The following RHBDL2 variants were observed in gnomAD, a reference collection of about 807,000 sequenced individuals.
RHBDL2 encodes the protein rhomboid like 2.
A neutral mutation model predicts 31.7 loss-of-function variants in RHBDL2; 26 were observed. The observed-to-expected ratio is 0.82, with a 90% CI of 0.60 to 1.14. The LOEUF is 1.14. Among genes scored for constraint, RHBDL2 ranks in the 50% most tolerant of loss-of-function variants. The pLI is 0.00. For missense variants in RHBDL2, 336 were observed against 364.4 expected (o/e 0.92, Z 0.63); for synonymous variants, 123 against 127.2 (o/e 0.97, Z 0.22).
intron 1 of RHBDL2, among the ~76,000 whole-genome samples, chr1:38,921,058 A>C (rs1488911119): frequency 6.6e-6 from 1 of 152,194 alleles, no homozygotes. Flanking sequence ...TAATGATAGC[A>C]CTTGCTTCAT....
At chr1:38,921,616 T>C (rs1643317278) in intron 1 of RHBDL2, among the ~76,000 whole-genome samples, 1 of 152,182 alleles carries the variant, frequency 6.6e-6, no homozygotes, top group Admixed American at 6.5e-5. Flanking sequence ...TTATATTCAA[T>C]AAATTGAGGA....
chr1:38,917,764 C>T (rs1459147388), intron 2 of RHBDL2, among the ~76,000 whole-genome samples: 4 of 152,214 alleles, frequency 2.6e-5, no homozygotes, highest in African/African-American at 9.6e-5. Flanking sequence ...CTTAGCCTTA[C>T]CTTTGTCTGA....
At position 38,886,510 on chromosome 1, in the gene RHBDL2, T is replaced by G; in HGVS notation, c.906A>C (p.Ala302=). 1 of 1,577,974 alleles carries G rather than the reference T, an allele frequency of 6.3e-7. No individual in the cohort carries two copies. The part of the protein sequence containing the change: ...AVFFNIFLSP[A]N ...GACTTACAATAGGGGCAGGTCAGTT[T>G]GCTGGAGATAGGAAAATGTTGAAAA... Residue 302 remains alanine, a synonymous_variant, in exon 8 of 8, where the codon GCA becomes GCC. Coordinates refer to ENST00000372990, the MANE Select transcript of RHBDL2 (RefSeq NM_017821.5).
At chr1:38,931,237 G>C (rs1017806565) in intron 1 of RHBDL2, among the ~76,000 whole-genome samples, 2 of 152,110 alleles carry the variant, frequency 1.3e-5, no homozygotes, top group African/African-American at 4.8e-5. Context: ...GAAATCTGCA[G>C]GCGGCCAGGC....
chr1:38,891,601 C>T (rs1489941615), intron 6 of RHBDL2, among the ~76,000 whole-genome samples: 4 of 152,164 alleles, frequency 2.6e-5, no homozygotes, highest in African/African-American at 9.7e-5. Flanking sequence ...GATACTCACT[C>T]TCCCTTCTCT....
intron 1 of RHBDL2, among the ~76,000 whole-genome samples, chr1:38,920,166 C>CTTTTTTTTTTTTTTTTT (rs71057165): frequency 9.0e-6 from 1 of 111,402 alleles, no homozygotes; most frequent in Non-Finnish European, 1.7e-5. Flanking sequence ...CACATGTTTT[C>CTTTTTTTTTTTTTTTTT]TTTTTTTTTT....
At chr1:38,915,782 A>C (rs1643227754) in intron 2 of RHBDL2, 72 bp from the exon 3 acceptor site, 4 of 1,457,334 alleles carry the variant, frequency 2.7e-6, no homozygotes, top group South Asian at 2.3e-5. Context: ...GCCCGTGGGC[A>C]GTAACTGTTT....
chr1:38,926,532 T>C (rs992000485), intron 1 of RHBDL2: 2 of 152,360 alleles, frequency 1.3e-5, no homozygotes, highest in African/African-American at 4.8e-5. Context: ...TTCCCATCTT[T>C]TGCAATAAAA....
intron 4 of RHBDL2, among the ~76,000 whole-genome samples, chr1:38,897,126 A>C (rs1360447939): frequency 6.8e-6 from 1 of 147,350 alleles, no homozygotes; most frequent in Non-Finnish European, 1.5e-5. Context: ...TTTGAGATGG[A>C]GTCCCACTCT....
chr1:38,912,648 TG>T (rs1643165538), intron 3 of RHBDL2, among the ~76,000 whole-genome samples: 1 of 150,874 alleles, frequency 6.6e-6, no homozygotes, highest in African/African-American at 2.4e-5. Context: ...CTCAAACTCC[TG>T]GGTTCAAGCA....
chr1:38,919,265 G>C lies in RHBDL2; in HGVS notation c.-53C>G. On this transcript the variant is annotated 5_prime_UTR_variant, in exon 2 of 8. Coordinates refer to ENST00000372990, the MANE Select transcript of RHBDL2 (RefSeq NM_017821.5). ...AGGACATGAATCCCAGGGAACAGCA[G>C]GTGGCCCTAGGTCCTCAGGCTGCCG... 1.2e-6 allele frequency: 2 copies of C among 1,613,086 alleles called. No individual in the cohort carries two copies. The highest frequency in any genetic ancestry group is 8.5e-7 in the Non-Finnish European group (1 of 1,179,906).
intron 4 of RHBDL2, among the ~76,000 whole-genome samples, chr1:38,910,266 G>C (rs1643122026): frequency 6.6e-6 from 1 of 152,106 alleles, no homozygotes; most frequent in African/African-American, 2.4e-5. Context: ...AAAATGTTTT[G>C]TACCCTGACT....
intron 3 of RHBDL2, among the ~76,000 whole-genome samples, 168 bp from the exon 4 acceptor site, chr1:38,911,602 C>CTGTGTGTG (rs56978792): frequency 7.0e-6 from 1 of 142,292 alleles, no homozygotes; most frequent in East Asian, 2.1e-4. Context: ...TTTCTTTTTT[C>CTGTGTGTG]TGTGTGTGTG....
intron 1 of RHBDL2, among the ~76,000 whole-genome samples, chr1:38,930,270 C>T (rs546881603): frequency 1.3e-5 from 2 of 152,276 alleles, no homozygotes; most frequent in East Asian, 1.9e-4. Context: ...GAACCACTTT[C>T]GCTTTTATTA....
chr1:38,902,135 A>G (rs1642998922), intron 4 of RHBDL2, among the ~76,000 whole-genome samples: 1 of 150,760 alleles, frequency 6.6e-6, no homozygotes, highest in Admixed American at 6.6e-5. Flanking sequence ...TAATACATTT[A>G]AAAGGATTCA....
At chr1:38,894,725 T>TTTTTTTTTTTTTTTTTTTTTA (rs1642894576) in intron 5 of RHBDL2, among the ~76,000 whole-genome samples, 1 of 124,184 alleles carries the variant, frequency 8.1e-6, no homozygotes, top group African/African-American at 2.7e-5. Context: ...TTTTTTTTTT[T>TTTTTTTTTTTTTTTTTTTTTA]GAGACAGAGT....
chr1:38,910,976 A>G (rs1305515952), intron 4 of RHBDL2, among the ~76,000 whole-genome samples: 1 of 151,620 alleles, frequency 6.6e-6, no homozygotes, highest in African/African-American at 2.4e-5. Context: ...AGAGGGTTTC[A>G]CCATATTGGC....
At position 38,919,275 on chromosome 1, in the gene RHBDL2, G is replaced by A. The variant is rs543264492; in HGVS notation, c.-63C>T. 2.0e-5 allele frequency: 32 copies of A among 1,612,494 alleles called. No individual in the cohort carries two copies. In the African/African-American group the frequency reaches 2.5e-4, roughly 13 times the overall value. On this transcript the variant is annotated 5_prime_UTR_variant, in exon 2 of 8. Coordinates refer to ENST00000372990, the MANE Select transcript of RHBDL2 (RefSeq NM_017821.5). ...TCCCAGGGAACAGCAGGTGGCCCTA[G>A]GTCCTCAGGCTGCCGCTCTTCCCTG...
At chr1:38,915,773 C>T in intron 2 of RHBDL2, 63 bp from the exon 3 acceptor site, 1 of 1,534,218 alleles carries the variant, frequency 6.5e-7, no homozygotes, top group Non-Finnish European at 9.0e-7. Context: ...CCCATCCAAG[C>T]CCGTGGGCAG....
Sources: gnomAD v4.1 joint callset for allele counts (sites outside exome capture counted in the v4.1 genomes callset) on GRCh38, gnomAD v4.1.1 for gene constraint, MANE v1.5 for transcripts, NCBI Gene and HGNC (gene_info 2026-07-23, HGNC 2026-07-21) for gene names.